KCNH7: variants seen among roughly 807,000 people sequenced by gnomAD.
The protein encoded by KCNH7 is potassium voltage-gated channel subfamily H member 7, also known as voltage-gated inwardly rectifying potassium channel KCNH7.
KCNH7 carries 49 observed loss-of-function variants against 120.8 expected under a neutral mutation model. The ratio of observed to expected loss-of-function variants is 0.41; its 90% confidence interval spans 0.32 to 0.51. The LOEUF is 0.51. KCNH7 is among the 20% of genes least tolerant of loss of function. The pLI is 0.38. For missense variants in KCNH7, 1,097 were observed against 1,446.6 expected (o/e 0.76, Z 3.92); for synonymous variants, 547 against 516.1 (o/e 1.06, Z -0.81).
chr2:162,765,938 T>C (rs1682786185), intron 2 of KCNH7, among the ~76,000 whole-genome samples: 1 of 152,054 alleles, frequency 6.6e-6, no homozygotes, highest in African/African-American at 2.4e-5. Context: ...TAATTTATTT[T>C]TAGACATGGG....
At chr2:162,807,256 CAAA>C (rs745345993) in intron 2 of KCNH7, among the ~76,000 whole-genome samples, 2 of 15,622 alleles carry the variant, frequency 1.3e-4, no homozygotes, top group African/African-American at 2.8e-4. Context: ...ACTAAAAATA[CAAA>C]AAAAAAAAAA....
At chr2:162,439,639 T>A (rs1400977506) in intron 7 of KCNH7, among the ~76,000 whole-genome samples, 1 of 152,084 alleles carries the variant, frequency 6.6e-6, no homozygotes, top group Non-Finnish European at 1.5e-5. Flanking sequence ...TTGTTTTTAA[T>A]CTAAAGTAAC....
chr2:162,479,110 A>G (rs1574008444), intron 6 of KCNH7, among the ~76,000 whole-genome samples: 1 of 150,850 alleles, frequency 6.6e-6, no homozygotes, highest in Non-Finnish European at 1.5e-5. Context: ...GAAAAATTCT[A>G]CCTCTGACTG....
chr2:162,822,692 C>T (rs536700258), intron 2 of KCNH7, among the ~76,000 whole-genome samples: 7 of 152,180 alleles, frequency 4.6e-5, no homozygotes, highest in Admixed American at 1.3e-4. Flanking sequence ...TGAGCAGCTA[C>T]TCTGTGCAAG....
In KCNH7 at chr2:162,529,784, C is replaced by A. The variant is rs184949237; in HGVS notation, c.463+7141G>T. ...CCCCTTATGCTTGGTAGGGAATGCA[C>A]AATTTTCTCTTTCACTCCGTATTAT... On this transcript the variant is annotated intron_variant, in intron 3 of 15. Coordinates refer to ENST00000332142, the MANE Select transcript of KCNH7 (RefSeq NM_033272.4). Among the ~76,000 whole-genome samples, 4 of 151,862 alleles carry A rather than the reference C, an allele frequency of 2.6e-5. No individual in the cohort carries two copies. The East Asian group carries it at 7.9e-4, about 30-fold the overall frequency.
chr2:162,385,380 G>A (rs1287863715), intron 12 of KCNH7, among the ~76,000 whole-genome samples: 18 of 151,874 alleles, frequency 1.2e-4, no homozygotes, highest in Admixed American at 1.1e-3. Flanking sequence ...CATTGCAAAG[G>A]TCAAAATTGG....
chr2:162,559,774 A>G (rs1341421235), intron 2 of KCNH7, among the ~76,000 whole-genome samples: 1 of 152,162 alleles, frequency 6.6e-6, no homozygotes, highest in Non-Finnish European at 1.5e-5. Context: ...TGAACTATAT[A>G]CCTGAGCTAT....
chr2:162,821,753 C>T (rs1685128527), intron 2 of KCNH7, among the ~76,000 whole-genome samples: 1 of 152,138 alleles, frequency 6.6e-6, no homozygotes, highest in South Asian at 2.1e-4. Flanking sequence ...TTTACATCTA[C>T]ATACTTTCTT....
chr2:162,832,252 G>A (rs569801705), intron 2 of KCNH7, among the ~76,000 whole-genome samples: 4 of 152,004 alleles, frequency 2.6e-5, no homozygotes, highest in African/African-American at 7.2e-5. Flanking sequence ...TTTTGTTCTT[G>A]TCTAAAAAGC....
intron 2 of KCNH7, among the ~76,000 whole-genome samples, chr2:162,820,294 C>G (rs1685073320): frequency 2.0e-5 from 3 of 147,122 alleles, no homozygotes; most frequent in Non-Finnish European, 4.5e-5. Context: ...CCAGGATGGT[C>G]TCCATCTCCT....
Position 162,727,113 on chromosome 2 carries a change from CCTAT to C in KCNH7, c.307+109420_307+109423del, listed in dbSNP as rs1687556644. Among the ~76,000 whole-genome samples the C allele has an allele frequency of 1.3e-5, 2 of 152,062 alleles. 1 individual carries two copies. The highest frequency in any genetic ancestry group is 1.3e-4 in the Admixed American group (2 of 15,258). On this transcript the variant is annotated intron_variant, in intron 2 of 15. Coordinates refer to ENST00000332142, the MANE Select transcript of KCNH7 (RefSeq NM_033272.4). ...ACTACAGAGTTTTTACTTAAACATA[CCTAT>C]CTATGTCTCTTTCTCCCATAATCTA...
chr2:162,644,311 CT>C (rs34066138), intron 2 of KCNH7, among the ~76,000 whole-genome samples: 11 of 148,236 alleles, frequency 7.4e-5, no homozygotes, highest in Non-Finnish European at 7.5e-5. Flanking sequence ...TAAAGTTTTT[CT>C]TTTTTTTTTA....
Position 162,552,595 on chromosome 2 carries a change from T to C in KCNH7, c.308-15515A>G, listed in dbSNP as rs1692707931. Among the ~76,000 whole-genome samples, 3 of 152,222 alleles carry C rather than the reference T, an allele frequency of 2.0e-5. No individual in the cohort carries two copies. In the South Asian group the frequency reaches 6.2e-4, roughly 31 times the overall value. ...TTAGTTTATGTTATATGGCTCAGTT[T>C]ACTTTAAGAAAGGGAGATTATCCAG... is the stretch of plus-strand genomic sequence containing the variant. On this transcript the variant is annotated intron_variant, in intron 2 of 15. Transcript: ENST00000332142.
At chr2:162,521,962 T>C (rs964788429) in intron 3 of KCNH7, among the ~76,000 whole-genome samples, 2 of 151,838 alleles carry the variant, frequency 1.3e-5, no homozygotes, top group African/African-American at 2.4e-5. Flanking sequence ...CTTCTCTCTA[T>C]GGTAAAAGAC....
chr2:162,786,136 AG>A (rs1683692104), intron 2 of KCNH7, among the ~76,000 whole-genome samples: 1 of 151,018 alleles, frequency 6.6e-6, no homozygotes, highest in Admixed American at 6.6e-5. Flanking sequence ...CCAGCTACTC[AG>A]GGGGCTGAGG....
At chr2:162,522,407 T>C (rs1169217162) in intron 3 of KCNH7, among the ~76,000 whole-genome samples, 1 of 151,926 alleles carries the variant, frequency 6.6e-6, no homozygotes, top group Non-Finnish European at 1.5e-5. Context: ...GTGGTACAGA[T>C]GGTCTTTTCT....
chr2:162,708,991 T>A (rs1215021329), intron 2 of KCNH7, among the ~76,000 whole-genome samples: 1 of 152,076 alleles, frequency 6.6e-6, no homozygotes, highest in Non-Finnish European at 1.5e-5. Context: ...TAAGGAATTA[T>A]ACAAATGAAA....
chr2:162,467,189 A>G (rs1254139597), intron 6 of KCNH7, among the ~76,000 whole-genome samples: 4 of 152,332 alleles, frequency 2.6e-5, no homozygotes, highest in Admixed American at 2.0e-4. Context: ...AGCAGAAGTT[A>G]TCTTGTCACT....
chr2:162,510,255 T>C (rs1691025355), intron 5 of KCNH7, among the ~76,000 whole-genome samples: 1 of 151,582 alleles, frequency 6.6e-6, no homozygotes, highest in African/African-American at 2.4e-5. Context: ...GGAAACGAAA[T>C]AGATCCTAAG....
Sources: gnomAD v4.1 joint callset for allele counts (sites outside exome capture counted in the v4.1 genomes callset) on GRCh38, gnomAD v4.1.1 for gene constraint, MANE v1.5 for transcripts, NCBI Gene and HGNC (gene_info 2026-07-23, HGNC 2026-07-21) for gene names.